ABCA4: variants seen among roughly 807,000 people sequenced by gnomAD.
ABCA4 encodes the protein retinal-specific phospholipid-transporting ATPase ABCA4.
ABCA4 carries 196 observed loss-of-function variants against 263.7 expected under a neutral mutation model. That is an observed-to-expected ratio of 0.74 (90% CI 0.66 to 0.84). The LOEUF is 0.84. ABCA4 is among the 40% of genes least tolerant of loss of function. The pLI is 0.00. For missense variants in ABCA4, 2,792 were observed against 2,855.1 expected (o/e 0.98, Z 0.50); for synonymous variants, 1,133 against 1,094.2 (o/e 1.04, Z -0.70).
In ABCA4 at chr1:94,112,388, C is replaced by T. The variant is rs536533499; in HGVS notation, c.160+585G>A. 5.3e-5 allele frequency among the ~76,000 whole-genome samples: 8 copies of T among 152,174 alleles called. No individual in the cohort carries two copies. In the East Asian group the frequency reaches 9.6e-4, roughly 18 times the overall value. On this transcript the variant is annotated intron_variant, in intron 2 of 49. Transcript: ENST00000370225. ...ATCTACAAATCTGTTCTCTTTAAAACGAGAGAGTTTAGGTATAAAAAAATA... is the reference window on the plus strand; with the variant it reads ...ATCTACAAATCTGTTCTCTTTAAAATGAGAGAGTTTAGGTATAAAAAAATA...
rs1294135596 is a variant in ABCA4 at position 94,042,236 on chromosome 1, G to A, written c.3328+525C>T. Reference sequence around the variant, plus strand: ...GGGAAAGCTCTGGCTTGACCACGGGGTTGAACCGTGCTGTTACCTCTATGG... The same window carrying A: ...GGGAAAGCTCTGGCTTGACCACGGGATTGAACCGTGCTGTTACCTCTATGG... On this transcript the variant is annotated intron_variant, in intron 22 of 49. Coordinates refer to ENST00000370225, the MANE Select transcript of ABCA4 (RefSeq NM_000350.3). 2.0e-5 allele frequency among the ~76,000 whole-genome samples: 3 copies of A among 152,172 alleles called. No homozygotes were observed. The East Asian group carries it at 5.8e-4, about 29-fold the overall frequency.
At chr1:94,033,812 G>T (rs1660271226) in intron 26 of ABCA4, among the ~76,000 whole-genome samples, 1 of 152,136 alleles carries the variant, frequency 6.6e-6, no homozygotes, top group African/African-American at 2.4e-5. Context: ...CAGGTTCTCG[G>T]TGCCAGAGCC....
chr1:94,028,930 A>AAACAAAAC (rs35998587), intron 30 of ABCA4, among the ~76,000 whole-genome samples: 157 of 107,986 alleles, frequency 1.5e-3, no homozygotes, highest in Middle Eastern at 5.4e-3. Context: ...AAAAAAAAAA[A>AAACAAAAC]GAAATTCAAA....
Position 94,078,096 on chromosome 1 carries a change from T to C in ABCA4, c.1357-209A>G, listed in dbSNP as rs372307944. Among the ~76,000 whole-genome samples the C allele has an allele frequency of 6.6e-4, 101 of 152,314 alleles. 1 individual carries two copies. In the South Asian group the frequency reaches 0.017, roughly 25 times the overall value. The stretch of plus-strand genomic sequence containing the variant: ...GTCTCTAGAATAGAGGGAAGATGTG[T>C]AGGGGCAAAGGAGGGGCCAGATGGG... On this transcript the variant is annotated intron_variant, in intron 10 of 49. Transcript: ENST00000370225.
intron 25 of ABCA4, 46 bp downstream of exon 25, chr1:94,037,099 G>T (rs779623049): frequency 1.3e-6 from 2 of 1,589,730 alleles, no homozygotes; most frequent in East Asian, 2.2e-5. Context: ...TCAAAGAACC[G>T]CCACTTCTGG....
chr1:94,109,550 C>A (rs1413465557), intron 3 of ABCA4, among the ~76,000 whole-genome samples: 1 of 152,182 alleles, frequency 6.6e-6, no homozygotes. Context: ...CTTCTGATTG[C>A]CCAGGCCGAG....
At chr1:94,114,992 G>T (rs1662719265) in intron 1 of ABCA4, among the ~76,000 whole-genome samples, 1 of 152,202 alleles carries the variant, frequency 6.6e-6, no homozygotes, top group African/African-American at 2.4e-5. Context: ...GTCAAGACTG[G>T]TCTAGGAGGC....
intron 26 of ABCA4, among the ~76,000 whole-genome samples, chr1:94,033,318 G>C (rs879339725): frequency 6.6e-6 from 1 of 151,856 alleles, no homozygotes; most frequent in East Asian, 1.9e-4. Flanking sequence ...CAGCTACTTG[G>C]GAGGCTGAGG....
At position 94,021,876 on chromosome 1, in the gene ABCA4, G is replaced by C. The variant is rs539124923; in HGVS notation, c.4743C>G (p.Ser1581Arg). 1.9e-6 allele frequency: 3 copies of C among 1,614,096 alleles called. No individual in the cohort carries two copies. The highest frequency in any genetic ancestry group is 2.5e-6 in the Non-Finnish European group (3 of 1,180,018). The change falls in exon 33 of 50, where the codon AGC becomes AGG. Residue 1581 changes from serine to arginine, a missense_variant. By Grantham distance (110) the Ser-to-Arg change is moderately radical (BLOSUM62 -1). Transcript: ENST00000370225. ...TCACATTCATGATCCGGCCAAGGTC[G>C]CTTAAAAACCCAACAAGTGCTTCCC... The part of the protein sequence containing the change: ...ITGEALVGFL[S>R]DLGRIMNVSG...
Position 94,080,592 on chromosome 1 carries a change from C to T in ABCA4, c.985G>A (p.Gly329Arg), listed in dbSNP as rs1199849243. 6.2e-7 allele frequency: 1 copy of T among 1,614,162 alleles called. No individual in the cohort carries two copies. Among genetic ancestry groups the T allele is most frequent in the South Asian group, 1.1e-5 (1 of 91,088 alleles). ...AAGGAGAGCACCCGAGAGCCACCTC[C>T]CTCGGGGTAGCCACACAGGAGGTCA... is the stretch of plus-strand genomic sequence containing the variant. ...LSDLLCGYPE[G>R]GGSRVLSFNW... The change falls in exon 8 of 50, where the codon GGA becomes AGA. Residue 329 changes from glycine to arginine, a missense_variant. Coordinates refer to ENST00000370225, the MANE Select transcript of ABCA4 (RefSeq NM_000350.3).
In ABCA4 at chr1:94,041,377, G is replaced by A. The variant is rs767693150; in HGVS notation, c.3354C>T (p.His1118=). Residue 1118 remains histidine (H), a synonymous_variant, in exon 23 of 50, where the codon CAC becomes CAT. Coordinates refer to ENST00000370225, the MANE Select transcript of ABCA4 (RefSeq NM_000350.3). The part of the protein sequence containing the change: ...RSGRTIIMST[H]HMDEADLLGD... ...CAAGGAGGTCGGCCTCGTCCATGTGGTGAGTGGACATGATGATGGTTCTGC... is the reference window on the plus strand; with the variant it reads ...CAAGGAGGTCGGCCTCGTCCATGTGATGAGTGGACATGATGATGGTTCTGC... 1.9e-6 allele frequency: 3 copies of A among 1,613,930 alleles called. No homozygotes were observed. Among genetic ancestry groups the A allele is most frequent in the Non-Finnish European group, 2.5e-6 (3 of 1,180,044 alleles).
At chr1:94,052,863 C>A (rs747756617) in intron 16 of ABCA4, among the ~76,000 whole-genome samples, 2 of 152,138 alleles carry the variant, frequency 1.3e-5, no homozygotes, top group Non-Finnish European at 2.9e-5. Context: ...TCATAATAAG[C>A]CCCTTCCTCT....
At chr1:94,081,123 G>T (rs1661688970) in intron 7 of ABCA4, among the ~76,000 whole-genome samples, 1 of 152,170 alleles carries the variant, frequency 6.6e-6, no homozygotes, top group Admixed American at 6.5e-5. Context: ...TATTCGGGAG[G>T]CTGAGGCAGG....
chr1:94,091,691 A>G (rs1661972712), intron 6 of ABCA4, among the ~76,000 whole-genome samples: 1 of 152,148 alleles, frequency 6.6e-6, no homozygotes, highest in African/African-American at 2.4e-5. Context: ...CATGTCACAC[A>G]TCACAACTGA....
At chr1:94,117,027 C>CTTTCTTTCTTTCT (rs1557812458) in intron 1 of ABCA4, among the ~76,000 whole-genome samples, 14 of 45,322 alleles carry the variant, frequency 3.1e-4, no homozygotes, top group East Asian at 2.8e-3. Flanking sequence ...TCTTTCTTTC[C>CTTTCTTTCTTTCT]TTTTCTTTCT....
At chr1:94,113,206 C>T (rs1662661015) in intron 1 of ABCA4, 140 bp from the exon 2 acceptor site, 2 of 770,000 alleles carry the variant, frequency 2.6e-6, no homozygotes, top group East Asian at 2.7e-5. Context: ...TAAACAGTTT[C>T]CTTCCTTTAC....
chr1:94,071,336 G>T lies in ABCA4; in HGVS notation c.1554+6354C>A, dbSNP rs1291735129. On this transcript the variant is annotated intron_variant, in intron 11 of 49. Coordinates refer to ENST00000370225, the MANE Select transcript of ABCA4 (RefSeq NM_000350.3). ...CCTACTCTAATCTAGCTACTTTCAAGCAGGAAAATCCAATCATAATAGTGC... is the reference window on the plus strand; with the variant it reads ...CCTACTCTAATCTAGCTACTTTCAATCAGGAAAATCCAATCATAATAGTGC... Among the ~76,000 whole-genome samples the T allele has an allele frequency of 3.3e-5, 5 of 152,160 alleles. 1 individual carries two copies. The highest frequency in any genetic ancestry group is 6.5e-5 in the Admixed American group (1 of 15,280).
At chr1:94,084,228 G>A (rs1335203947) in intron 6 of ABCA4, among the ~76,000 whole-genome samples, 1 of 152,244 alleles carries the variant, frequency 6.6e-6, no homozygotes, top group South Asian at 2.1e-4. Context: ...TCCTAGAGGA[G>A]TCATGTAGGA....
intron 24 of ABCA4, among the ~76,000 whole-genome samples, chr1:94,039,303 A>C (rs1660425321): frequency 6.6e-6 from 1 of 152,254 alleles, no homozygotes; most frequent in African/African-American, 2.4e-5. Flanking sequence ...TTGCTTCACC[A>C]GATTTCAGTT....
Sources: allele counts gnomAD v4.1 joint callset (sites outside exome capture counted in the v4.1 genomes callset), GRCh38; gene constraint gnomAD v4.1.1; transcripts MANE v1.5; gene names NCBI Gene and HGNC (gene_info 2026-07-23, HGNC 2026-07-21).